Variants in DDX60 observed in about 807,000 individuals in gnomAD.
The protein encoded by DDX60 is DExD/H-box helicase 60, also known as probable ATP-dependent RNA helicase DDX60.
DDX60 carries 165 observed loss-of-function variants against 212.8 expected under a neutral mutation model. The observed-to-expected ratio is 0.78, with a 90% CI of 0.68 to 0.88. DDX60 has a LOEUF of 0.88. Ranked by LOEUF, DDX60 falls within the 40% of genes least tolerant of loss-of-function variation. DDX60 has a pLI of 0.00. For missense variants in DDX60, 1,905 were observed against 2,003.9 expected, an observed-to-expected ratio of 0.95 and a Z score of 0.94; for synonymous variants, 703 against 685.3, an observed-to-expected ratio of 1.03 and a Z score of -0.40.
intron 1 of DDX60, among the ~76,000 whole-genome samples, chr4:168,312,347 G>A (rs1737171729): frequency 3.3e-5 from 5 of 152,120 alleles, no homozygotes; most frequent in Admixed American, 3.3e-4. Flanking sequence ...TACAAGTCTA[G>A]AGGACAAATA....
At chr4:168,231,107 A>G (rs1733436155) in intron 33 of DDX60, among the ~76,000 whole-genome samples, 1 of 152,074 alleles carries the variant, frequency 6.6e-6, no homozygotes, top group Admixed American at 6.6e-5. Flanking sequence ...AACTTAGAGG[A>G]GATGGGTAAA....
Position 168,237,091 on chromosome 4 carries a change from A to T in DDX60, c.4411+195T>A, listed in dbSNP as rs111469878. 3.1e-3 allele frequency among the ~76,000 whole-genome samples: 469 copies of T among 151,948 alleles called. 2 individuals are homozygous for T. The highest frequency in any genetic ancestry group is 5.6e-3 in the Non-Finnish European group (382 of 67,836). On this transcript the variant is annotated intron_variant, in intron 32 of 37. Transcript: ENST00000393743. The stretch of plus-strand genomic sequence containing the variant: ...TTGGAGGTGTTGACATTGTAAATAC[A>T]TGTCATAAAACATGGCTGACTATCA...
Position 168,237,173 on chromosome 4 carries a change from C to T in DDX60, c.4411+113G>A, listed in dbSNP as rs556518352. ...CAATTGAAGATCTATAAATTATCTA[C>T]ATATTAATTGTATTTTCTTTATTAA... is the stretch of plus-strand genomic sequence containing the variant. On this transcript the variant is annotated intron_variant, in intron 32 of 37. Coordinates refer to ENST00000393743, the MANE Select transcript of DDX60 (RefSeq NM_017631.6). 2.1e-4 allele frequency: 139 copies of T among 677,268 alleles called. 1 individual carries two copies. In the South Asian group the frequency reaches 8.1e-3, roughly 39 times the overall value. 42.0% of individuals were successfully genotyped at this position (677,268 alleles called of 1,614,324 possible).
At chr4:168,248,569 C>T (rs1734102028) in intron 28 of DDX60, among the ~76,000 whole-genome samples, 1 of 152,110 alleles carries the variant, frequency 6.6e-6, no homozygotes, top group African/African-American at 2.4e-5. Context: ...ATCTGTAGCT[C>T]ACCACATCCA....
At chr4:168,297,095 G>C (rs575908426) in intron 6 of DDX60, among the ~76,000 whole-genome samples, 3 of 151,832 alleles carry the variant, frequency 2.0e-5, no homozygotes, top group East Asian at 3.9e-4. Flanking sequence ...ATTTTTAGTA[G>C]AGACGGGGTT....
In DDX60 at chr4:168,285,553, G is replaced by A; in HGVS notation, c.1340-55C>T. On this transcript the variant is annotated intron_variant, in intron 10 of 37. Coordinates refer to ENST00000393743, the MANE Select transcript of DDX60 (RefSeq NM_017631.6). ...AGGTCAAATGTAAAGCTTTCAGACA[G>A]GAATATTACATATTATTTTCTAAAA... The A allele has an allele frequency of 2.0e-5, 20 of 1,013,064 alleles. No individual in the cohort carries two copies. In the South Asian group the frequency reaches 3.0e-4, roughly 15 times the overall value. The allele number at this position is 1,013,064 out of a possible 1,614,324, so 62.8% of individuals were successfully genotyped here. A position where few individuals can be genotyped will look rare whatever the true frequency, so the allele number is the denominator to read the frequency against.
chr4:168,280,620 A>G (rs994583470), intron 13 of DDX60, 30 bp from the exon 14 acceptor site: 4 of 1,573,502 alleles, frequency 2.5e-6, no homozygotes, highest in Admixed American at 1.9e-5. Context: ...ATCTCTTAAG[A>G]CAAGTTGAAA....
chr4:168,237,805 A>T lies in DDX60; in HGVS notation c.4165-10T>A. Reference sequence around the variant, plus strand: ...TTAGCACTGATAGCACCTTTAAAGAAAAGAGTATTTTTAGACACACAATGT... The same window carrying T: ...TTAGCACTGATAGCACCTTTAAAGATAAGAGTATTTTTAGACACACAATGT... On this transcript the variant is annotated splice_polypyrimidine_tract_variant and intron_variant, in intron 30 of 37. Transcript: ENST00000393743. 1 of 1,587,384 alleles carries T rather than the reference A, an allele frequency of 6.3e-7. No individual in the cohort carries two copies. The highest frequency in any genetic ancestry group is 1.1e-5 in the South Asian group (1 of 87,116).
chr4:168,253,594 C>T (rs2149506834), intron 26 of DDX60, among the ~76,000 whole-genome samples: 1 of 152,264 alleles, frequency 6.6e-6, no homozygotes, highest in East Asian at 1.9e-4. Flanking sequence ...CAAGGTGGGG[C>T]AATTCTCTGG....
chr4:168,251,048 G>T lies in DDX60; in HGVS notation c.3764C>A (p.Ala1255Asp), dbSNP rs141651240. 8.1e-6 allele frequency: 13 copies of T among 1,613,212 alleles called. No individual in the cohort carries two copies. The highest frequency in any genetic ancestry group is 6.7e-5 in the Admixed American group (4 of 59,948). The change falls in exon 28 of 38, where the codon GCC (alanine) becomes GAC (aspartate). Residue 1255 changes from alanine to aspartate, a missense_variant. Ala to Asp is a moderately radical substitution (Grantham distance 126, BLOSUM62 -2). Transcript: ENST00000393743. Reference sequence around the variant, plus strand: ...ATATCCAATACCCCTTTCTGCCAAGGCTTTCAATTCTTCACCTTTTCTTTC... The same window carrying T: ...ATATCCAATACCCCTTTCTGCCAAGTCTTTCAATTCTTCACCTTTTCTTTC... The part of the protein sequence containing the change: ...KFERKGEELK[A>D]LAERGIGYHH...
chr4:168,263,626 CT>C (rs899642697), intron 22 of DDX60: 1 of 151,896 alleles, frequency 6.6e-6, no homozygotes, highest in African/African-American at 2.4e-5. Flanking sequence ...GGGATTAATG[CT>C]GTTATAAAAG....
Position 168,287,163 on chromosome 4 carries a change from A to G in DDX60, c.1224T>C (p.Tyr408=), listed in dbSNP as rs1579053455. Residue 408 remains tyrosine (Y), a synonymous_variant, in exon 10 of 38, where the codon TAT becomes TAC. Transcript: ENST00000393743. ...LNLGDTIMKD[Y]EYLWNTVSKL... ...TTGATACGGTATTCCAGAGATATTC[A>G]TAATCTTTCATAATGGTATCTCCCA... 1.2e-6 allele frequency: 2 copies of G among 1,610,066 alleles called. No homozygotes were observed. The highest frequency in any genetic ancestry group is 1.7e-4 in the Middle Eastern group (1 of 5,918).
chr4:168,313,999 C>T (rs1737252480), intron 1 of DDX60, among the ~76,000 whole-genome samples: 1 of 152,152 alleles, frequency 6.6e-6, no homozygotes. Flanking sequence ...CTTAATTTGA[C>T]AATCAAGGGA....
At chr4:168,246,276 TATACG>T (rs920490034) in intron 30 of DDX60, 137 bp downstream of exon 30, 1 of 957,314 alleles carries the variant, frequency 1.0e-6, no homozygotes, top group Non-Finnish European at 1.6e-6. Flanking sequence ...CCCCCAATTC[TATACG>T]ATTCAAGACA....
intron 24 of DDX60, among the ~76,000 whole-genome samples, chr4:168,261,295 G>C (rs1043448421): frequency 6.6e-6 from 1 of 152,118 alleles, no homozygotes; most frequent in Non-Finnish European, 1.5e-5. Context: ...ACTATGACAG[G>C]AGGGCAAGTG....
chr4:168,284,758 T>TA, intron 12 of DDX60, 62 bp downstream of exon 12: 1 of 816,762 alleles, frequency 1.2e-6, no homozygotes, highest in Non-Finnish European at 1.8e-6. Context: ...TTTTCCACTA[T>TA]AAAATAAGAG....
Position 168,287,108 on chromosome 4 carries a change from G to A in DDX60, c.1279C>T (p.Pro427Ser), listed in dbSNP as rs201000605. The change falls in exon 10 of 38, where the codon CCA becomes TCA. Residue 427 changes from proline to serine, a missense_variant. Transcript: ENST00000393743. The stretch of plus-strand genomic sequence containing the variant: ...ACTTTTGTTGTTCTCAGAGGAAATG[G>A]CTGTCCAACCTCAAAGTCTCTGACC... ...KLVRDFEVGQ[P>S]FPLRTTKVCF... is the part of the protein sequence containing the mutation. The A allele has an allele frequency of 5.6e-6, 9 of 1,612,512 alleles. No homozygotes were observed. The Admixed American group carries it at 1.5e-4, about 27-fold the overall frequency.
At position 168,284,904 on chromosome 4, in the gene DDX60, G is replaced by C. The variant is rs1487612450; in HGVS notation, c.1477C>G (p.Gln493Glu). Residue 493 changes from glutamine to glutamate, a missense_variant, in exon 12 of 38, where the codon CAA becomes GAA. By Grantham distance (29) the Gln-to-Glu change is conservative. Transcript: ENST00000393743. The stretch of plus-strand genomic sequence containing the variant: ...TGCACAAGTTCATCAAATTCCTTTT[G>C]TTTAACCAGTGAAGTAACAATAGGA... ...DDPIVTSLVK[Q>E]KEFDELVHWH... The C allele has an allele frequency of 6.3e-7, 1 of 1,595,822 alleles. No homozygotes were observed. Among genetic ancestry groups the C allele is most frequent in the African/African-American group, 1.3e-5 (1 of 74,602 alleles).
Position 168,287,067 on chromosome 4 carries a change from C to A in DDX60, c.1320G>T (p.Lys440Asn). ...LRTTKVCFLE[K>N]KPSPIKDSSN... ...TATTACCTTTGATTGGTGATGGTTT[C>A]TTTTCAAGAAAACAAACTTTTGTTG... Residue 440 changes from lysine to asparagine, a missense_variant, in exon 10 of 38, where the codon AAG becomes AAT. Physicochemically the swap from Lys to Asn is moderately conservative, Grantham distance 94. Coordinates refer to ENST00000393743, the MANE Select transcript of DDX60 (RefSeq NM_017631.6). The A allele has an allele frequency of 6.2e-7, 1 of 1,605,440 alleles. No individual in the cohort carries two copies. Among genetic ancestry groups the A allele is most frequent in the East Asian group, 2.2e-5 (1 of 44,606 alleles).
Sources: gnomAD v4.1 joint callset for allele counts (sites outside exome capture counted in the v4.1 genomes callset) on GRCh38, gnomAD v4.1.1 for gene constraint, MANE v1.5 for transcripts, NCBI Gene and HGNC (gene_info 2026-07-23, HGNC 2026-07-21) for gene names.